Variants in TNS3 observed in about 807,000 individuals in gnomAD.
TNS3 encodes the protein tensin 3.
Under a neutral mutation model 140.9 loss-of-function variants are expected in TNS3, and 45 were observed. The observed-to-expected ratio is 0.32, with a 90% CI of 0.25 to 0.41. TNS3 has a LOEUF of 0.41. TNS3 is among the 10% of genes least tolerant of loss of function. The pLI is 1.00. For synonymous variants in TNS3, 815 were observed against 788.4 expected (o/e 1.03, Z -0.56); for missense variants, 1,716 against 1,906.7 (o/e 0.90, Z 1.86).
intron 27 of TNS3, among the ~76,000 whole-genome samples, chr7:47,284,882 G>A (rs566796718): frequency 6.6e-5 from 10 of 152,330 alleles, no homozygotes; most frequent in Non-Finnish European, 1.0e-4. Flanking sequence ...TGTCTCCCTC[G>A]GCCGTGTCCT....
At chr7:47,320,807 G>A (rs1165859250) in intron 20 of TNS3, among the ~76,000 whole-genome samples, 6 of 152,316 alleles carry the variant, frequency 3.9e-5, no homozygotes, top group South Asian at 4.1e-4. Context: ...AGCCTAACAC[G>A]AATTGTGTGT....
chr7:47,402,299 T>A (rs1342256389), intron 13 of TNS3, among the ~76,000 whole-genome samples: 2 of 152,232 alleles, frequency 1.3e-5, no homozygotes. Flanking sequence ...TGGGTCTCCC[T>A]TGTACGGCCT....
At chr7:47,493,689 A>C (rs1296108119) in intron 3 of TNS3, among the ~76,000 whole-genome samples, 1 of 151,258 alleles carries the variant, frequency 6.6e-6, no homozygotes, top group Non-Finnish European at 1.5e-5. Flanking sequence ...ATAGCCGGGC[A>C]TGGTGGCGGG....
intron 20 of TNS3, among the ~76,000 whole-genome samples, chr7:47,343,534 T>G (rs1789142033): frequency 6.6e-6 from 1 of 152,188 alleles, no homozygotes; most frequent in African/African-American, 2.4e-5. Flanking sequence ...CCAAACCCAC[T>G]GAACACTTTC....
At chr7:47,430,824 G>A (rs959887541) in intron 8 of TNS3, among the ~76,000 whole-genome samples, 8 of 151,834 alleles carry the variant, frequency 5.3e-5, no homozygotes, top group South Asian at 4.2e-4. Flanking sequence ...GGGTTCAAGC[G>A]ATTCTCGTGC....
intron 1 of TNS3, among the ~76,000 whole-genome samples, chr7:47,536,647 A>G (rs1474804771): frequency 1.3e-5 from 2 of 152,214 alleles, no homozygotes; most frequent in Non-Finnish European, 2.9e-5. Context: ...GAAAGAGCTA[A>G]GCCTGAACCC....
At position 47,385,014 on chromosome 7, in the gene TNS3, CT is replaced by C. The variant is rs773644816; in HGVS notation, c.1024+11785del. ...GCTGTCCCAGCTCTCAACACCTCCA[CT>C]CCCCAGACTGTTGTCCACTCCCAAC... On this transcript the variant is annotated intron_variant, in intron 16 of 30. Transcript: ENST00000311160. Among the ~76,000 whole-genome samples the C allele has an allele frequency of 1.3e-5, 2 of 152,246 alleles. 1 individual carries two copies. Among genetic ancestry groups the C allele is most frequent in the Non-Finnish European group, 2.9e-5 (2 of 68,044 alleles).
intron 30 of TNS3, chr7:47,279,702 C>CAAAA: frequency 3.5e-5 from 5 of 141,064 alleles, no homozygotes; most frequent in Non-Finnish European, 6.2e-5. Flanking sequence ...AACTCTGTCT[C>CAAAA]AAAAAAAAAA....
Position 47,367,989 on chromosome 7 carries a change from C to G in TNS3, c.2281+376G>C, listed in dbSNP as rs1025389658. ...AAAGCCCTGACCTATACCGCAGGGA[C>G]AGAAGTAAGTATGCTTTCTTTGTAA... On this transcript the variant is annotated intron_variant, in intron 17 of 30. Coordinates refer to ENST00000311160, the MANE Select transcript of TNS3 (RefSeq NM_022748.12). Among the ~76,000 whole-genome samples the G allele has an allele frequency of 1.8e-4, 28 of 151,994 alleles. 1 individual carries two copies. Among genetic ancestry groups the G allele is most frequent in the Non-Finnish European group, 3.8e-4 (26 of 68,044 alleles).
intron 9 of TNS3, among the ~76,000 whole-genome samples, chr7:47,424,547 C>T (rs944586445): frequency 1.3e-5 from 2 of 152,154 alleles, no homozygotes; most frequent in Non-Finnish European, 2.9e-5. Flanking sequence ...CCTTGGCCAC[C>T]CTACGTCCTA....
chr7:47,314,506 A>C (rs932908952), intron 20 of TNS3, among the ~76,000 whole-genome samples: 1 of 152,228 alleles, frequency 6.6e-6, no homozygotes, highest in Non-Finnish European at 1.5e-5. Context: ...CAGTCAAGTG[A>C]GGATGATCTA....
chr7:47,374,838 T>C (rs570947574), intron 16 of TNS3, among the ~76,000 whole-genome samples: 1 of 152,088 alleles, frequency 6.6e-6, no homozygotes, highest in Non-Finnish European at 1.5e-5. Flanking sequence ...TGGACATGGG[T>C]TGTGGGTGGG....
At chr7:47,362,326 C>G (rs1319748409) in intron 17 of TNS3, among the ~76,000 whole-genome samples, 2 of 152,190 alleles carry the variant, frequency 1.3e-5, no homozygotes, top group Non-Finnish European at 2.9e-5. Context: ...TGTGATACCC[C>G]ACCTCTGGAG....
chr7:47,406,178 T>G lies in TNS3; in HGVS notation c.724-5264A>C, dbSNP rs143979262. Among the ~76,000 whole-genome samples the G allele has an allele frequency of 3.2e-3, 484 of 152,292 alleles. 2 individuals are homozygous for G. Among genetic ancestry groups the G allele is most frequent in the Non-Finnish European group, 5.5e-3 (373 of 68,018 alleles). Reference sequence around the variant, plus strand: ...CTTTTGAAAGGAGCAGACTTAAGAATCTGACCTTTTGGGAAAAGCACACTG... The same window carrying G: ...CTTTTGAAAGGAGCAGACTTAAGAAGCTGACCTTTTGGGAAAAGCACACTG... On this transcript the variant is annotated intron_variant, in intron 13 of 30. Coordinates refer to ENST00000311160, the MANE Select transcript of TNS3 (RefSeq NM_022748.12).
chr7:47,492,969 A>C (rs560403816), intron 3 of TNS3, among the ~76,000 whole-genome samples: 7 of 152,128 alleles, frequency 4.6e-5, no homozygotes, highest in African/African-American at 1.7e-4. Context: ...AGCTAATGCC[A>C]CCCCCAGCTC....
At chr7:47,360,805 A>G (rs1052582528) in intron 17 of TNS3, among the ~76,000 whole-genome samples, 5 of 152,094 alleles carry the variant, frequency 3.3e-5, no homozygotes, top group African/African-American at 1.2e-4. Context: ...CCATGCTCTG[A>G]GGGCCCGGCA....
intron 20 of TNS3, among the ~76,000 whole-genome samples, chr7:47,322,966 C>T (rs534543097): frequency 4.1e-4 from 63 of 152,158 alleles, no homozygotes; most frequent in African/African-American, 1.4e-3. Flanking sequence ...CCAGGGCTTC[C>T]TACATAGGAG....
At chr7:47,438,760 G>C (rs577175214) in intron 6 of TNS3, among the ~76,000 whole-genome samples, 21 of 152,300 alleles carry the variant, frequency 1.4e-4, no homozygotes, top group African/African-American at 4.8e-4. Flanking sequence ...CAGCAAGGAA[G>C]ACAATGAACA....
At position 47,411,774 on chromosome 7, in the gene TNS3, T is replaced by A. The variant is rs1311156319; in HGVS notation, c.676A>T (p.Ile226Phe). The change falls in exon 13 of 31, where the codon ATC (isoleucine) becomes TTC (phenylalanine). Residue 226 changes from isoleucine to phenylalanine, a missense_variant. Physicochemically the swap from Ile to Phe is conservative, Grantham distance 21. Transcript: ENST00000311160. ...YNVGPENPSR[I>F]CIVIEPAQLL... ...TGGGCCGGCTCGATGACGATGCAGA[T>A]CCTGCTGGGGTTTTCTGGGCCAACG... 1 of 1,613,418 alleles carries A rather than the reference T, an allele frequency of 6.2e-7. No individual in the cohort carries two copies. Among genetic ancestry groups the A allele is most frequent in the Non-Finnish European group, 8.5e-7 (1 of 1,179,812 alleles).
Sources: gnomAD v4.1 joint callset for allele counts (sites outside exome capture counted in the v4.1 genomes callset) on GRCh38, gnomAD v4.1.1 for gene constraint, MANE v1.5 for transcripts, NCBI Gene and HGNC (gene_info 2026-07-23, HGNC 2026-07-21) for gene names.